The following KMT2B variants were observed in gnomAD, a reference collection of about 807,000 sequenced individuals.
The protein encoded by KMT2B is lysine methyltransferase 2B.
In KMT2B, 22 loss-of-function variants were observed where a neutral mutation model predicts 255.3. That is an observed-to-expected ratio of 0.09 (90% confidence interval 0.06 to 0.12). KMT2B has a LOEUF of 0.12. KMT2B is among the 10% of genes least tolerant of loss of function. KMT2B has a pLI of 1.00. For missense variants in KMT2B, 3,149 were observed against 3,737.0 expected (o/e 0.84, Z 4.10); for synonymous variants, 1,730 against 1,498.1 (o/e 1.15, Z -3.57).
rs890819864 is a variant in KMT2B at position 35,725,053 on chromosome 19, C to T, written c.3494C>T (p.Pro1165Leu). ...GGCTGGACTGGAAAGCAGAAGTCTC[C>T]CGATGGTGTGCACCGCGTCCGTGTG... ...PNGWTGKQKS[P>L]DGVHRVRVDF... Residue 1165 changes from proline (P) to leucine (L), a missense_variant, in exon 10 of 37, where the codon CCC becomes CTC. Coordinates refer to ENST00000420124, the MANE Select transcript of KMT2B (RefSeq NM_014727.3). The surrounding 1 kb of genome is among the most constrained non-coding windows in gnomAD (Gnocchi z 4.1). 7 of 1,613,850 alleles carry T rather than the reference C, an allele frequency of 4.3e-6. No homozygotes were observed. The highest frequency in any genetic ancestry group is 1.6e-4 in the Middle Eastern group (1 of 6,062).
rs1231025990 is a variant in KMT2B, at chr19:35,737,205, G to A, written c.7492G>A (p.Gly2498Ser). The A allele has an allele frequency of 1.3e-6, 2 of 1,592,452 alleles. No individual in the cohort carries two copies. The highest frequency in any genetic ancestry group is 1.7e-6 in the Non-Finnish European group (2 of 1,169,850). The change falls in exon 33 of 37, where the codon GGC (glycine) becomes AGC (serine). Residue 2498 changes from glycine (G) to serine (S), a missense_variant. By Grantham distance (56) the Gly-to-Ser change is moderately conservative (BLOSUM62 0). This residue lies in a region of KMT2B where 103 missense variants were observed against 200.7 expected (regional missense o/e 0.51). Coordinates refer to ENST00000420124, the MANE Select transcript of KMT2B (RefSeq NM_014727.3). The surrounding 1 kb of genome is among the most constrained non-coding windows in gnomAD (Gnocchi z 5.3). ...GTTCCGTTACCACCAGCAGGGAGAG[G>A]GCCAGGAGGAGCCGCCCCTGAATCC... ...YKFRYHQQGE[G>S]QEEPPLNPHG...
chr19:35,722,276 T>C, intron 3 of KMT2B, 83 bp from the exon 4 acceptor site: 1 of 1,391,846 alleles, frequency 7.2e-7, no homozygotes, highest in African/African-American at 1.4e-5. Context: ...GTGCTGGGAT[T>C]ACAGGCATCA....
rs1477774434 is a variant in KMT2B at position 35,720,372 on chromosome 19, G to A, written c.1025G>A (p.Arg342Lys). 4 of 1,597,278 alleles carry A rather than the reference G, an allele frequency of 2.5e-6. No individual in the cohort carries two copies. Among genetic ancestry groups the A allele is most frequent in the East Asian group, 2.3e-5 (1 of 44,318 alleles). Residue 342 changes from arginine (R) to lysine (K), a missense_variant, in exon 3 of 37, where the codon AGA becomes AAA. By Grantham distance (26) the Arg-to-Lys change is conservative. Coordinates refer to ENST00000420124, the MANE Select transcript of KMT2B (RefSeq NM_014727.3). Reference sequence around the variant, plus strand: ...GAAAGTTGGCAGGATGTCCCCCAAAGAAGAGTTGGATCTGGACAGGGAGGG... The same window carrying A: ...GAAAGTTGGCAGGATGTCCCCCAAAAAAGAGTTGGATCTGGACAGGGAGGG... ...HEESWQDVPQ[R>K]RVGSGQGGSP...
At position 35,732,038 on chromosome 19, in the gene KMT2B, C is replaced by A; in HGVS notation, c.5568C>A (p.Ala1856=). 6.2e-7 allele frequency: 1 copy of A among 1,612,966 alleles called. No homozygotes were observed. The highest frequency in any genetic ancestry group is 8.5e-7 in the Non-Finnish European group (1 of 1,179,504). ...RPDSGSAPPP[A]PRSFSGARIK... is the part of the protein sequence containing the mutation. Reference sequence around the variant, plus strand: ...ATTCAGGCAGCGCCCCTCCTCCAGCCCCCCGTTCTTTTTCGGGGGCTCGAA... The same window carrying A: ...ATTCAGGCAGCGCCCCTCCTCCAGCACCCCGTTCTTTTTCGGGGGCTCGAA... Residue 1856 remains alanine, a synonymous_variant, in exon 27 of 37, where the codon GCC becomes GCA. Coordinates refer to ENST00000420124, the MANE Select transcript of KMT2B (RefSeq NM_014727.3).
chr19:35,732,211 A>T lies in KMT2B; in HGVS notation c.5666-4A>T. 6.3e-7 allele frequency: 1 copy of T among 1,584,204 alleles called. No homozygotes were observed. The highest frequency in any genetic ancestry group is 8.6e-7 in the Non-Finnish European group (1 of 1,161,754). On this transcript the variant is annotated splice_region_variant and splice_polypyrimidine_tract_variant and intron_variant, in intron 27 of 36. Transcript: ENST00000420124. The stretch of plus-strand genomic sequence containing the variant: ...TGCTGGTAACACCAACCCTCCCCCC[A>T]CAGGAAGTCCATCTTCACTGACCCA...
rs745636949 is a variant in KMT2B, at chr19:35,731,909, G to C, written c.5439G>C (p.Glu1813Asp). ...TIVHSPAPSSEPPGGEDPPLD... is the reference protein window; with the variant it reads ...TIVHSPAPSSDPPGGEDPPLD... ...CAATGCCATTTCTCGCCTCTTCAGA[G>C]CCCCCAGGTGGTGAGGACCCCCCAC... is the stretch of plus-strand genomic sequence containing the variant. The change falls in exon 27 of 37, where the codon GAG becomes GAC. Residue 1813 changes from glutamate (E) to aspartate (D), a missense_variant and splice_region_variant. Physicochemically the swap from Glu to Asp is conservative, Grantham distance 45. Coordinates refer to ENST00000420124, the MANE Select transcript of KMT2B (RefSeq NM_014727.3). 1 of 1,612,102 alleles carries C rather than the reference G, an allele frequency of 6.2e-7. No homozygotes were observed. The highest frequency in any genetic ancestry group is 1.7e-5 in the Admixed American group (1 of 59,982).
At position 35,732,375 on chromosome 19, in the gene KMT2B, C is replaced by T; in HGVS notation, c.5826C>T (p.Pro1942=). Residue 1942 remains proline (P), a synonymous_variant, in exon 28 of 37, where the codon CCC becomes CCT. Coordinates refer to ENST00000420124, the MANE Select transcript of KMT2B (RefSeq NM_014727.3). The stretch of plus-strand genomic sequence containing the variant: ...AAACCTCCCCTCAGCTCAGGGTGCC[C>T]CCTCCTACCTCAGTCGTCACAGCCC... ...PLKTSPQLRV[P]PPTSVVTALT... The T allele has an allele frequency of 6.2e-7, 1 of 1,613,078 alleles. No individual in the cohort carries two copies. Among genetic ancestry groups the T allele is most frequent in the Non-Finnish European group, 8.5e-7 (1 of 1,179,506 alleles).
chr19:35,729,996 C>G lies in KMT2B; in HGVS notation c.4947C>G (p.Ala1649=), dbSNP rs1969629223. The change falls in exon 23 of 37, where the codon GCC becomes GCG. Residue 1649 remains alanine (A), a synonymous_variant. Transcript: ENST00000420124. ...MRCELCLKPG[A]TVGCCLSSCL... is the part of the protein sequence containing the mutation. ...GCGAGCTCTGCCTGAAGCCTGGCGCCACGGTGGGCTGCTGCCTGTCCTCCT... is the reference window on the plus strand; with the variant it reads ...GCGAGCTCTGCCTGAAGCCTGGCGCGACGGTGGGCTGCTGCCTGTCCTCCT... 6.2e-7 allele frequency: 1 copy of G among 1,613,582 alleles called. No homozygotes were observed. The highest frequency in any genetic ancestry group is 2.2e-5 in the East Asian group (1 of 44,866).
rs1448278206 is a variant in KMT2B, at chr19:35,721,358, C to T, written c.2011C>T (p.Leu671Phe). The T allele has an allele frequency of 4.4e-6, 7 of 1,590,206 alleles. No homozygotes were observed. The highest frequency in any genetic ancestry group is 3.4e-5 in the South Asian group (3 of 87,982). The change falls in exon 3 of 37, where the codon CTT (leucine) becomes TTT (phenylalanine). Residue 671 changes from leucine (L) to phenylalanine (F), a missense_variant. Physicochemically the swap from Leu to Phe is conservative, Grantham distance 22. Around this residue, in one of 18 missense-constraint regions of KMT2B, gnomAD observed 1,188 missense variants for 1,106.4 expected, o/e 1.07. Transcript: ENST00000420124. ...CGAATCGGTGCTTACTCCTCCTCCTCTTGGGGCTCCTGAAGCCCCTGAGCC... is the reference window on the plus strand; with the variant it reads ...CGAATCGGTGCTTACTCCTCCTCCTTTTGGGGCTCCTGAAGCCCCTGAGCC... ...IYESVLTPPP[L>F]GAPEAPEPEP... is the part of the protein sequence containing the mutation.
chr19:35,721,795 T>C lies in KMT2B; in HGVS notation c.2448T>C (p.Ala816=). 1 of 1,586,524 alleles carries C rather than the reference T, an allele frequency of 6.3e-7. No individual in the cohort carries two copies. Among genetic ancestry groups the C allele is most frequent in the Non-Finnish European group, 8.6e-7 (1 of 1,164,782 alleles). The change falls in exon 3 of 37, where the codon GCT becomes GCC. Residue 816 remains alanine (A), a synonymous_variant. Transcript: ENST00000420124. ...IDQQQQQKVA[A]SMPLSPGGQM... ...AGCAGCAGCAGCAGAAGGTGGCAGC[T>C]TCCATGCCGGTGAGTGTGGTCCCTG...
chr19:35,731,824 G>A, intron 26 of KMT2B, 84 bp from the exon 27 acceptor site: 1 of 1,037,228 alleles, frequency 9.6e-7, no homozygotes, highest in Non-Finnish European at 1.5e-6. Context: ...GGACCTGGGA[G>A]GCATAGTGGC....
chr19:35,726,841 G>A (rs555494327), intron 14 of KMT2B, among the ~76,000 whole-genome samples: 6 of 152,136 alleles, frequency 3.9e-5, no homozygotes, highest in East Asian at 1.9e-4. Flanking sequence ...AAAATTAGCC[G>A]GGCATGATGG....
rs372702715 is a variant in KMT2B at position 35,721,154 on chromosome 19, A to T, written c.1807A>T (p.Ile603Phe). 5.7e-6 allele frequency: 9 copies of T among 1,587,148 alleles called. No homozygotes were observed. Among genetic ancestry groups the T allele is most frequent in the Non-Finnish European group, 7.7e-6 (9 of 1,168,828 alleles). ...PVPLPEKRRSILREPTFRWTS... is the reference protein window; with the variant it reads ...PVPLPEKRRSFLREPTFRWTS... ...TCCACTCCCTGAGAAGAGACGGTCCATCCTAAGGGAACCCACATTTCGCTG... is the reference window on the plus strand; with the variant it reads ...TCCACTCCCTGAGAAGAGACGGTCCTTCCTAAGGGAACCCACATTTCGCTG... The change falls in exon 3 of 37, where the codon ATC becomes TTC. Residue 603 changes from isoleucine (I) to phenylalanine (F), a missense_variant. Ile to Phe is a conservative substitution (Grantham distance 21, BLOSUM62 0). Around this residue, in one of 18 missense-constraint regions of KMT2B, gnomAD observed 1,188 missense variants for 1,106.4 expected, o/e 1.07. Coordinates refer to ENST00000420124, the MANE Select transcript of KMT2B (RefSeq NM_014727.3).
chr19:35,728,053 T>C, intron 18 of KMT2B, 45 bp from the exon 19 acceptor site: 1 of 1,564,606 alleles, frequency 6.4e-7, no homozygotes, highest in Middle Eastern at 1.7e-4. Context: ...CTGCCAGCTC[T>C]CCTGGGGAAG....
Position 35,728,142 on chromosome 19 carries a change from G to A in KMT2B, c.4542G>A (p.Lys1514=), listed in dbSNP as rs1417165528. The change falls in exon 19 of 37, where the codon AAG becomes AAA. Residue 1514 remains lysine, a synonymous_variant. Coordinates refer to ENST00000420124, the MANE Select transcript of KMT2B (RefSeq NM_014727.3). ...GCTGGTTCGACGCCCACGACCCCAA[G>A]TACTGGCGACGGAGTACCCGGCTGC... ...AFGWFDAHDP[K]YWRRSTRLPN... 2 of 1,599,406 alleles carry A rather than the reference G, an allele frequency of 1.3e-6. No homozygotes were observed. Among genetic ancestry groups the A allele is most frequent in the South Asian group, 1.1e-5 (1 of 88,342 alleles).
Position 35,721,123 on chromosome 19 carries a change from C to T in KMT2B, c.1776C>T (p.Thr592=), listed in dbSNP as rs1394264332. The T allele has an allele frequency of 1.2e-5, 19 of 1,608,950 alleles. No homozygotes were observed. The highest frequency in any genetic ancestry group is 1.6e-5 in the Non-Finnish European group (19 of 1,178,208). The change falls in exon 3 of 37, where the codon ACC becomes ACT. Residue 592 remains threonine, a synonymous_variant. Transcript: ENST00000420124. ...SPPRAPTPPS[T]PVPLPEKRRS... is the part of the protein sequence containing the mutation. ...CACGTGCCCCAACTCCTCCATCTACCCCAGTTCCACTCCCTGAGAAGAGAC... is the reference window on the plus strand; with the variant it reads ...CACGTGCCCCAACTCCTCCATCTACTCCAGTTCCACTCCCTGAGAAGAGAC...
chr19:35,720,189 G>A lies in KMT2B; in HGVS notation c.842G>A (p.Arg281His), dbSNP rs373603029. ...GGTCCAGGACCTGGGACCCCCAGGCGTGGAGGACAGTCAAGCCGTGGAGGC... is the reference window on the plus strand; with the variant it reads ...GGTCCAGGACCTGGGACCCCCAGGCATGGAGGACAGTCAAGCCGTGGAGGC... ...GPGPGPGTPR[R>H]GGQSSRGGRG... Residue 281 changes from arginine to histidine, a missense_variant, in exon 3 of 37, where the codon CGT becomes CAT. Physicochemically the swap from Arg to His is conservative, Grantham distance 29. Transcript: ENST00000420124. 38 of 1,607,212 alleles carry A rather than the reference G, an allele frequency of 2.4e-5. No individual in the cohort carries two copies. In the Admixed American group the frequency reaches 3.7e-4, roughly 16 times the overall value.
At position 35,720,558 on chromosome 19, in the gene KMT2B, C is replaced by G; in HGVS notation, c.1211C>G (p.Pro404Arg). 6.5e-7 allele frequency: 1 copy of G among 1,545,824 alleles called. No individual in the cohort carries two copies. Among genetic ancestry groups the G allele is most frequent in the Non-Finnish European group, 8.7e-7 (1 of 1,144,390 alleles). Residue 404 changes from proline (P) to arginine (R), a missense_variant, in exon 3 of 37, where the codon CCG becomes CGG. Coordinates refer to ENST00000420124, the MANE Select transcript of KMT2B (RefSeq NM_014727.3). ...AEKEEAKLPP[P>R]PLTPPAPSPP... ...AAGGAAGAGGCAAAGCTGCCACCAC[C>G]GCCTCTGACTCCTCCAGCCCCTTCA...
At chr19:35,734,749 G>A (rs1969853195) in intron 30 of KMT2B, among the ~76,000 whole-genome samples, 1 of 152,188 alleles carries the variant, frequency 6.6e-6, no homozygotes, top group Admixed American at 6.5e-5. Flanking sequence ...GAGGGCAGTG[G>A]CTGGGGGAGT....
Sources: allele counts gnomAD v4.1 joint callset (sites outside exome capture counted in the v4.1 genomes callset), GRCh38; gene constraint gnomAD v4.1.1; regional missense constraint gnomAD v4.1.1; non-coding constraint Gnocchi (gnomAD v3.1); transcripts MANE v1.5; gene names NCBI Gene and HGNC (gene_info 2026-07-23, HGNC 2026-07-21).